The following MARCHF1 variants were observed in gnomAD, a reference collection of about 807,000 sequenced individuals.
MARCHF1 encodes membrane associated ring-CH-type finger 1, also known as E3 ubiquitin-protein ligase MARCHF1.
Under a neutral mutation model 54.2 loss-of-function variants are expected in MARCHF1, and 40 were observed. The observed-to-expected ratio is 0.74, with a 90% confidence interval of 0.57 to 0.96. MARCHF1 has a LOEUF of 0.96. Ranked by LOEUF, MARCHF1 falls within the 40% of genes least tolerant of loss-of-function variation. The pLI, the probability that MARCHF1 is intolerant of heterozygous loss-of-function variation, is 0.00. For missense variants in MARCHF1, 586 were observed against 656.5 expected (o/e 0.89, Z 1.17); for synonymous variants, 236 against 236.3 (o/e 1.00, Z 0.01).
At chr4:164,178,981 GA>G (rs1480162088) in intron 1 of MARCHF1, among the ~76,000 whole-genome samples, 1 of 152,084 alleles carries the variant, frequency 6.6e-6, no homozygotes, top group East Asian at 1.9e-4. Context: ...ACTACCTGGA[GA>G]AAAAGTTCAG....
At chr4:163,992,792 T>C (rs558651980) in intron 2 of MARCHF1, among the ~76,000 whole-genome samples, 18 of 148,918 alleles carry the variant, frequency 1.2e-4, no homozygotes, top group Non-Finnish European at 2.4e-4. Flanking sequence ...TTATATTTTA[T>C]ATTTATATTT....
intron 1 of MARCHF1, among the ~76,000 whole-genome samples, chr4:164,211,354 TACC>T (rs199626459): frequency 0.24 from 28,008 of 115,092 alleles, 3,677 homozygotes; most frequent in Non-Finnish European, 0.36. Context: ...TATATATATA[TACC>T]ACATTGCAAC....
At chr4:164,197,786 C>G in intron 1 of MARCHF1, 1 of 1,599,094 alleles carries the variant, frequency 6.3e-7, no homozygotes, top group South Asian at 1.1e-5. Flanking sequence ...CACGGCCGCA[C>G]GTTTTAGGAC....
intron 2 of MARCHF1, among the ~76,000 whole-genome samples, chr4:164,017,842 A>AT (rs1753577774): frequency 6.6e-6 from 1 of 151,260 alleles, no homozygotes; most frequent in African/African-American, 2.4e-5. Context: ...TTAGCAAAAA[A>AT]AAAAAAAAAG....
At chr4:164,157,849 T>C (rs1454548638) in intron 1 of MARCHF1, among the ~76,000 whole-genome samples, 1 of 152,148 alleles carries the variant, frequency 6.6e-6, no homozygotes, top group Non-Finnish European at 1.5e-5. Context: ...GGAGTTATGA[T>C]TACAACATAT....
intron 3 of MARCHF1, among the ~76,000 whole-genome samples, chr4:163,900,247 G>T (rs560727750): frequency 1.7e-4 from 26 of 152,004 alleles, no homozygotes; most frequent in African/African-American, 5.8e-4. Flanking sequence ...GTGAATGAAT[G>T]AATTTTGACT....
At chr4:163,764,638 C>G (rs567635062) in intron 4 of MARCHF1, among the ~76,000 whole-genome samples, 2 of 152,128 alleles carry the variant, frequency 1.3e-5, no homozygotes, top group East Asian at 3.9e-4. Flanking sequence ...TTCAAGGTTT[C>G]AAGTTTCCTG....
At chr4:164,321,911 G>C (rs937578446) in intron 1 of MARCHF1, among the ~76,000 whole-genome samples, 1 of 152,012 alleles carries the variant, frequency 6.6e-6, no homozygotes, top group Non-Finnish European at 1.5e-5. Flanking sequence ...CCTACTGACT[G>C]CTTATATATC....
chr4:164,344,074 C>A (rs938282444), intron 1 of MARCHF1, among the ~76,000 whole-genome samples: 1 of 152,230 alleles, frequency 6.6e-6, no homozygotes, highest in East Asian at 1.9e-4. Flanking sequence ...GTCCTTTGCA[C>A]AGCATGGATG....
At chr4:163,614,577 T>G (rs901189518) in intron 5 of MARCHF1, among the ~76,000 whole-genome samples, 10 of 152,128 alleles carry the variant, frequency 6.6e-5, no homozygotes, top group Non-Finnish European at 1.2e-4. Flanking sequence ...AACTATGTAA[T>G]CATGATTCTG....
At chr4:163,540,471 T>C (rs1259469196) in intron 9 of MARCHF1, among the ~76,000 whole-genome samples, 1 of 152,210 alleles carries the variant, frequency 6.6e-6, no homozygotes, top group Non-Finnish European at 1.5e-5. Flanking sequence ...GTTGGGTAGA[T>C]TATTAACAAC....
At chr4:164,138,256 C>CT (rs929368038) in intron 1 of MARCHF1, among the ~76,000 whole-genome samples, 45 of 140,644 alleles carry the variant, frequency 3.2e-4, no homozygotes, top group East Asian at 6.1e-4. Context: ...CGTTAAGTTT[C>CT]TTTTTTTTTT....
At chr4:164,304,449 T>A (rs1560994876) in intron 1 of MARCHF1, among the ~76,000 whole-genome samples, 2 of 152,170 alleles carry the variant, frequency 1.3e-5, no homozygotes, top group Non-Finnish European at 2.9e-5. Flanking sequence ...CTCCTTCATA[T>A]CTGCACTCAT....
chr4:163,987,379 T>C (rs1362807879), intron 3 of MARCHF1, among the ~76,000 whole-genome samples: 1 of 152,228 alleles, frequency 6.6e-6, no homozygotes, highest in Non-Finnish European at 1.5e-5. Context: ...TGCCATTCAA[T>C]GACATTTTCA....
chr4:163,773,715 A>G (rs1747223487), intron 4 of MARCHF1, among the ~76,000 whole-genome samples: 1 of 152,164 alleles, frequency 6.6e-6, no homozygotes, highest in Non-Finnish European at 1.5e-5. Flanking sequence ...CCTCAAGGGG[A>G]TGTTCTTTAG....
At chr4:164,349,563 T>C (rs1344543998) in intron 1 of MARCHF1, among the ~76,000 whole-genome samples, 1 of 152,190 alleles carries the variant, frequency 6.6e-6, no homozygotes, top group Non-Finnish European at 1.5e-5. Flanking sequence ...AATATTATAG[T>C]TTTCATGTCC....
At chr4:163,672,703 AC>A (rs1228572767) in intron 5 of MARCHF1, among the ~76,000 whole-genome samples, 3 of 152,200 alleles carry the variant, frequency 2.0e-5, no homozygotes, top group African/African-American at 7.2e-5. Context: ...ATAGTGGCTT[AC>A]AACAACAGAC....
At chr4:163,736,897 T>C (rs1031955891) in intron 4 of MARCHF1, among the ~76,000 whole-genome samples, 4 of 152,212 alleles carry the variant, frequency 2.6e-5, no homozygotes, top group Admixed American at 2.6e-4. Flanking sequence ...TTAAATTCCA[T>C]ATCATTTTTT....
chr4:163,998,227 C>G (rs1753117486), intron 2 of MARCHF1, among the ~76,000 whole-genome samples: 1 of 151,322 alleles, frequency 6.6e-6, no homozygotes, highest in Admixed American at 6.6e-5. Flanking sequence ...AGACTATTCT[C>G]TATCTATACT....
Sources: allele counts gnomAD v4.1 joint callset (sites outside exome capture counted in the v4.1 genomes callset), GRCh38; gene constraint gnomAD v4.1.1; transcripts MANE v1.5; gene names NCBI Gene and HGNC (gene_info 2026-07-23, HGNC 2026-07-21).